Variants in UHRF2 observed in about 807,000 individuals in gnomAD.
UHRF2 encodes ubiquitin like with PHD and ring finger domains 2.
In UHRF2, 23 loss-of-function variants were observed where a neutral mutation model predicts 96.8. That is an observed-to-expected ratio of 0.24 (90% CI 0.17 to 0.34). The LOEUF (loss-of-function observed/expected upper bound fraction) is 0.34, where lower values mean the gene tolerates loss of function less well. UHRF2 is among the 10% of genes least tolerant of loss of function. UHRF2 has a pLI of 1.00. For synonymous variants in UHRF2, 385 were observed against 332.6 expected, an observed-to-expected ratio of 1.16 and a Z score of -1.72; for missense variants, 685 against 981.5, an observed-to-expected ratio of 0.70 and a Z score of 4.04.
intron 4 of UHRF2, among the ~76,000 whole-genome samples, chr9:6,472,468 C>G (rs1178874957): frequency 1.3e-5 from 2 of 152,180 alleles, no homozygotes; most frequent in Non-Finnish European, 1.5e-5. Context: ...AGTATAACAG[C>G]TATAGACAAA....
chr9:6,499,272 G>A (rs1825138190), intron 12 of UHRF2: 1 of 123,456 alleles, frequency 8.1e-6, no homozygotes, highest in Non-Finnish European at 1.6e-5. Flanking sequence ...AAAGAAGGTA[G>A]CCATTGAAAC....
At position 6,501,367 on chromosome 9, in the gene UHRF2, A is replaced by ATATT. The variant is rs1387759140; in HGVS notation, c.2163+659_2163+662dup. Among the ~76,000 whole-genome samples, 3 of 152,242 alleles carry ATATT rather than the reference A, an allele frequency of 2.0e-5. No homozygotes were observed. The East Asian group carries it at 5.8e-4, about 29-fold the overall frequency. ...CTTATAAATTTGAATCTTCTATTAA[A>ATATT]TATTGACCCCTTGTCATTTATAATA... On this transcript the variant is annotated intron_variant, in intron 14 of 15. Coordinates refer to ENST00000276893, the MANE Select transcript of UHRF2 (RefSeq NM_152896.3).
chr9:6,413,465 G>C lies in UHRF2; in HGVS notation c.-26G>C. 1 of 1,512,004 alleles carries C rather than the reference G, an allele frequency of 6.6e-7. No individual in the cohort carries two copies. Among genetic ancestry groups the C allele is most frequent in the Non-Finnish European group, 8.9e-7 (1 of 1,122,716 alleles). The allele number at this position is 1,512,004 out of a possible 1,614,324, so 93.7% of individuals were successfully genotyped here. A position where few individuals can be genotyped will look rare whatever the true frequency, so the allele number is the denominator to read the frequency against. The stretch of plus-strand genomic sequence containing the variant: ...CCCAGAGCTCAGGGGGAGACAAAGG[G>C]GACCGGTTCCTCTCTAGGCGCCAAG... On this transcript the variant is annotated 5_prime_UTR_variant, in exon 1 of 16. Coordinates refer to ENST00000276893, the MANE Select transcript of UHRF2 (RefSeq NM_152896.3).
At chr9:6,416,832 C>CT (rs1443765070) in intron 1 of UHRF2, among the ~76,000 whole-genome samples, 2 of 152,148 alleles carry the variant, frequency 1.3e-5, no homozygotes, top group African/African-American at 4.8e-5. Flanking sequence ...CGGCCTAAAT[C>CT]TTTTGAGAAT....
At chr9:6,505,019 T>A (rs1816510713) in intron 15 of UHRF2, among the ~76,000 whole-genome samples, 1 of 152,178 alleles carries the variant, frequency 6.6e-6, no homozygotes, top group African/African-American at 2.4e-5. Context: ...GTGTTTTCAT[T>A]AATAAATCAT....
At chr9:6,447,344 C>T (rs774705643) in intron 3 of UHRF2, among the ~76,000 whole-genome samples, 1 of 152,092 alleles carries the variant, frequency 6.6e-6, no homozygotes, top group African/African-American at 2.4e-5. Context: ...CATTTGTGGG[C>T]CTGGTCTCTC....
At chr9:6,470,358 CAAA>C (rs35859975) in intron 4 of UHRF2, among the ~76,000 whole-genome samples, 1 of 94,590 alleles carries the variant, frequency 1.1e-5, no homozygotes, top group Non-Finnish European at 2.2e-5. Context: ...GACTCCATCT[CAAA>C]AAAAAAAAAA....
At chr9:6,477,550 C>A in intron 5 of UHRF2, 72 bp from the exon 6 acceptor site, 1 of 1,405,120 alleles carries the variant, frequency 7.1e-7, no homozygotes, top group Non-Finnish European at 9.6e-7. Context: ...TTTCCATGGG[C>A]TTTTCTTTAT....
chr9:6,501,923 A>T (rs999999298), intron 14 of UHRF2, among the ~76,000 whole-genome samples: 1 of 152,188 alleles, frequency 6.6e-6, no homozygotes, highest in African/African-American at 2.4e-5. Context: ...GGAAAAAGCC[A>T]CCTGAGTGGT....
intron 4 of UHRF2, among the ~76,000 whole-genome samples, chr9:6,471,287 T>C (rs1563784554): frequency 1.3e-5 from 2 of 151,978 alleles, no homozygotes; most frequent in African/African-American, 4.8e-5. Flanking sequence ...AGGAGAAATA[T>C]GTGTTGGGCC....
At chr9:6,494,043 T>C in intron 10 of UHRF2, 111 bp downstream of exon 10, 1 of 914,078 alleles carries the variant, frequency 1.1e-6, no homozygotes, top group Admixed American at 2.8e-5. Context: ...GAGTTAAAGA[T>C]CTGAAATTAA....
intron 14 of UHRF2, among the ~76,000 whole-genome samples, chr9:6,502,252 G>C (rs1320374054): frequency 3.9e-5 from 6 of 152,154 alleles, no homozygotes; most frequent in African/African-American, 1.2e-4. Context: ...CTTGTGCCCA[G>C]ATTGCTTGAC....
intron 14 of UHRF2, among the ~76,000 whole-genome samples, chr9:6,502,711 T>C (rs1176606807): frequency 6.6e-6 from 1 of 152,246 alleles, no homozygotes; most frequent in Admixed American, 6.5e-5. Context: ...ACATTGTAGC[T>C]ACCTGTAACT....
At position 6,421,013 on chromosome 9, in the gene UHRF2, A is replaced by G. The variant is rs376606673; in HGVS notation, c.255A>G (p.Thr85=). ...PDPDHLPGTS[T]QIEAKPCSNS... is the part of the protein sequence containing the mutation. Reference sequence around the variant, plus strand: ...CTGATCATCTTCCTGGCACATCTACACAGATTGAGGCTAAACCCTGTTCTA... The same window carrying G: ...CTGATCATCTTCCTGGCACATCTACGCAGATTGAGGCTAAACCCTGTTCTA... The change falls in exon 2 of 16, where the codon ACA becomes ACG. Residue 85 remains threonine, a synonymous_variant. Transcript: ENST00000276893. 1.0e-4 allele frequency: 162 copies of G among 1,614,038 alleles called. No individual in the cohort carries two copies. Among genetic ancestry groups the G allele is most frequent in the Non-Finnish European group, 1.2e-4 (143 of 1,180,036 alleles).
At chr9:6,501,913 G>C (rs1441836247) in intron 14 of UHRF2, among the ~76,000 whole-genome samples, 1 of 152,196 alleles carries the variant, frequency 6.6e-6, no homozygotes, top group Non-Finnish European at 1.5e-5. Flanking sequence ...TACAGATGGA[G>C]GAAAAAGCCA....
intron 5 of UHRF2, 46 bp downstream of exon 5, chr9:6,475,546 A>G: frequency 8.8e-7 from 1 of 1,130,682 alleles, no homozygotes; most frequent in Non-Finnish European, 1.2e-6. Context: ...GTTGTACATG[A>G]TTGAACTTTA....
intron 1 of UHRF2, 132 bp downstream of exon 1, chr9:6,413,775 C>T (rs898786609): frequency 3.6e-5 from 43 of 1,187,018 alleles, no homozygotes; most frequent in South Asian, 4.6e-5. Context: ...GTGGGCAGCC[C>T]CCGCGAGGCG....
chr9:6,430,114 G>C (rs1820484090), intron 2 of UHRF2, among the ~76,000 whole-genome samples: 1 of 152,202 alleles, frequency 6.6e-6, no homozygotes, highest in African/African-American at 2.4e-5. Flanking sequence ...GGGTTCAAGT[G>C]ATTGTCCTGC....
intron 14 of UHRF2, 40 bp downstream of exon 14, chr9:6,500,749 A>G (rs143438612): frequency 6.5e-7 from 1 of 1,540,460 alleles, no homozygotes; most frequent in Admixed American, 1.9e-5. Flanking sequence ...TTCTGATATT[A>G]ACAAATGATA....
Sources: gnomAD v4.1 joint callset for allele counts (sites outside exome capture counted in the v4.1 genomes callset) on GRCh38, gnomAD v4.1.1 for gene constraint, MANE v1.5 for transcripts, NCBI Gene and HGNC (gene_info 2026-07-23, HGNC 2026-07-21) for gene names.